Variants in KCNN2 observed in about 807,000 individuals in gnomAD.
KCNN2 encodes the protein potassium calcium-activated channel subfamily N member 2.
Under a neutral mutation model 55.5 loss-of-function variants are expected in KCNN2, and 24 were observed. The observed-to-expected ratio is 0.43, with a 90% CI of 0.31 to 0.61. The LOEUF (loss-of-function observed/expected upper bound fraction) is 0.61, where lower values mean the gene tolerates loss of function less well. Among genes scored for constraint, KCNN2 ranks in the 20% least tolerant of loss-of-function variants. The probability of loss-of-function intolerance (pLI) is 0.08; values close to 1 mark genes in which losing one functional copy is unlikely to be tolerated. For missense variants in KCNN2, 754 were observed against 853.6 expected, an observed-to-expected ratio of 0.88 and a Z score of 1.45; for synonymous variants, 431 against 336.1, an observed-to-expected ratio of 1.28 and a Z score of -3.09.
At chr5:114,451,691 T>G (rs1422834354) in intron 3 of KCNN2, among the ~76,000 whole-genome samples, 6 of 151,974 alleles carry the variant, frequency 3.9e-5, no homozygotes, top group Non-Finnish European at 7.4e-5. Context: ...GGTCAGGAGA[T>G]CAAGACCATC....
intron 3 of KCNN2, among the ~76,000 whole-genome samples, chr5:114,410,965 A>G (rs1759112241): frequency 6.6e-6 from 1 of 152,230 alleles, no homozygotes; most frequent in African/African-American, 2.4e-5. Context: ...GAGAAGCATA[A>G]TGCAACTTTT....
intron 2 of KCNN2, among the ~76,000 whole-genome samples, chr5:114,381,825 G>A (rs1217759953): frequency 1.3e-5 from 2 of 152,126 alleles, no homozygotes; most frequent in East Asian, 1.9e-4. Context: ...TTGCTTGTAA[G>A]CAACATAAGC....
chr5:114,199,295 T>A (rs1753621440), intron 1 of KCNN2, among the ~76,000 whole-genome samples: 1 of 152,132 alleles, frequency 6.6e-6, no homozygotes, highest in Non-Finnish European at 1.5e-5. Flanking sequence ...TCCATGTACT[T>A]TCCATCTATA....
At chr5:114,347,835 C>G (rs2150039022) in intron 2 of KCNN2, among the ~76,000 whole-genome samples, 1 of 152,296 alleles carries the variant, frequency 6.6e-6, no homozygotes, top group East Asian at 1.9e-4. Flanking sequence ...CTATCCTCAC[C>G]TCTAAGTGAC....
Position 114,325,030 on chromosome 5 carries a change from C to G in KCNN2, c.-184-35915C>G, listed in dbSNP as rs142397987. 3.4e-4 allele frequency among the ~76,000 whole-genome samples: 52 copies of G among 152,248 alleles called. No individual in the cohort carries two copies. In the East Asian group the frequency reaches 9.9e-3, roughly 29 times the overall value. On this transcript the variant is annotated intron_variant, in intron 2 of 10. Transcript: ENST00000512097. ...GAAATAAGGAACTTGTTATTGCAAG[C>G]TGAAGGAAAGAGGATTGTTCATATA...
intron 3 of KCNN2, among the ~76,000 whole-genome samples, chr5:114,414,364 C>T (rs938429406): frequency 1.1e-4 from 16 of 152,144 alleles, no homozygotes; most frequent in African/African-American, 3.9e-4. Flanking sequence ...ATTGTATCCC[C>T]AAGCTGGTGT....
At chr5:114,357,761 CGTGTGCATGT>C (rs1372009838), upstream of KCNN2, among the ~76,000 whole-genome samples, 1 of 146,336 alleles carries the variant, frequency 6.8e-6, no homozygotes, top group Non-Finnish European at 1.5e-5. Flanking sequence ...AATAAACATA[CGTGTGCATGT>C]GTCTTTATAG....
intron 2 of KCNN2, among the ~76,000 whole-genome samples, chr5:114,397,312 A>G (rs537486999): frequency 2.0e-5 from 3 of 152,300 alleles, no homozygotes; most frequent in South Asian, 4.1e-4. Flanking sequence ...GCTTTCCACA[A>G]TGGCTGAACT....
Position 114,496,198 on chromosome 5 carries a change from C to T in KCNN2, c.*16C>T. ...GAGTAGCTAGAAGAGAATAAGTTAA[C>T]CACAAAATAAGACTTTTTGCCATCA... On this transcript the variant is annotated 3_prime_UTR_variant, in exon 8 of 8. Coordinates refer to ENST00000673685, the MANE Select transcript of KCNN2 (RefSeq NM_021614.4). The T allele has an allele frequency of 1.2e-6, 2 of 1,610,374 alleles. No homozygotes were observed. Among genetic ancestry groups the T allele is most frequent in the Middle Eastern group, 1.7e-4 (1 of 6,044 alleles).
chr5:114,263,733 A>C (rs1048478891), intron 2 of KCNN2, among the ~76,000 whole-genome samples: 1 of 152,288 alleles, frequency 6.6e-6, no homozygotes, highest in Non-Finnish European at 1.5e-5. Flanking sequence ...GAGTGATTCC[A>C]TTAGCTAAAA....
chr5:114,221,095 G>A (rs1754128714), intron 1 of KCNN2, among the ~76,000 whole-genome samples: 1 of 152,182 alleles, frequency 6.6e-6, no homozygotes, highest in Non-Finnish European at 1.5e-5. Flanking sequence ...GTTTATGTGA[G>A]ACAGAAAACA....
At chr5:114,466,088 A>T (rs186708504) in intron 4 of KCNN2, among the ~76,000 whole-genome samples, 9 of 152,328 alleles carry the variant, frequency 5.9e-5, no homozygotes, top group Non-Finnish European at 1.0e-4. Context: ...ATTAAAGCTT[A>T]AGAGACCAAG....
intron 2 of KCNN2, among the ~76,000 whole-genome samples, chr5:114,383,462 T>A (rs1013918698): frequency 3.1e-5 from 4 of 128,968 alleles, no homozygotes; most frequent in Admixed American, 1.8e-4. Context: ...CCCCACTAAA[T>A]GCTTTTTTTT....
intron 2 of KCNN2, among the ~76,000 whole-genome samples, chr5:114,271,918 A>G (rs1174455402): frequency 6.6e-6 from 1 of 152,100 alleles, no homozygotes; most frequent in Non-Finnish European, 1.5e-5. Context: ...CCTAGGGAGG[A>G]ACTATTGTGC....
intron 1 of KCNN2, among the ~76,000 whole-genome samples, chr5:114,205,238 T>C (rs996831439): frequency 1.3e-5 from 2 of 152,196 alleles, no homozygotes; most frequent in Admixed American, 1.3e-4. Flanking sequence ...ATAAAAAATA[T>C]TTTCAAACGC....
intron 4 of KCNN2, among the ~76,000 whole-genome samples, chr5:114,467,700 AAAATGTCTT>A (rs1397381185): frequency 6.6e-6 from 1 of 152,092 alleles, no homozygotes; most frequent in Admixed American, 6.6e-5. Flanking sequence ...GGATCGCAAA[AAAATGTCTT>A]AAATATGACA....
At chr5:114,460,987 T>C (rs1561398242) in intron 3 of KCNN2, among the ~76,000 whole-genome samples, 1 of 152,334 alleles carries the variant, frequency 6.6e-6, no homozygotes, top group East Asian at 1.9e-4. Flanking sequence ...TTTTAGGAAA[T>C]TGCTTGGTGA....
intron 1 of KCNN2, among the ~76,000 whole-genome samples, chr5:114,194,158 G>T (rs1753504748): frequency 6.6e-6 from 1 of 151,922 alleles, no homozygotes; most frequent in East Asian, 1.9e-4. Flanking sequence ...ATACTATGAG[G>T]ATTCATGCAT....
At chr5:114,137,534 T>C (rs1752198538) in intron 1 of KCNN2, among the ~76,000 whole-genome samples, 3 of 151,748 alleles carry the variant, frequency 2.0e-5, no homozygotes, top group Admixed American at 2.0e-4. Context: ...GGCCTAAAAG[T>C]AAATTAAATA....
Sources: gnomAD v4.1 joint callset for allele counts (sites outside exome capture counted in the v4.1 genomes callset) on GRCh38, gnomAD v4.1.1 for gene constraint, MANE v1.5 for transcripts, NCBI Gene and HGNC (gene_info 2026-07-23, HGNC 2026-07-21) for gene names.